The following SAMMSON variants were observed in gnomAD, a reference collection of about 807,000 sequenced individuals.
The protein encoded by SAMMSON is survival associated mitochondrial melanoma specific oncogenic non-coding RNA.
At chr3:70,235,329 A>G (rs771204329) in intron 4 of SAMMSON, among the ~76,000 whole-genome samples, 6 of 151,958 alleles carry the variant, frequency 3.9e-5, no homozygotes, top group Non-Finnish European at 7.4e-5. Flanking sequence ...TATTTTTTCC[A>G]TCTTCAAATT....
chr3:70,430,653 GA>G (rs1355894323), intron 2 of SAMMSON, among the ~76,000 whole-genome samples: 3 of 152,092 alleles, frequency 2.0e-5, no homozygotes, highest in African/African-American at 7.2e-5. Context: ...ATTACTCGAA[GA>G]AGCAATATTT....
At chr3:70,290,748 G>A (rs1414069463) in intron 6 of SAMMSON, among the ~76,000 whole-genome samples, 1 of 152,308 alleles carries the variant, frequency 6.6e-6, no homozygotes, top group Non-Finnish European at 1.5e-5. Flanking sequence ...CCAGGTGCAG[G>A]TTATAATCTC....
At chr3:70,043,975 C>CT (rs2067114840) in intron 3 of SAMMSON, among the ~76,000 whole-genome samples, 1 of 151,874 alleles carries the variant, frequency 6.6e-6, no homozygotes, top group African/African-American at 2.4e-5. Context: ...TTAGGTATTC[C>CT]TTTTTTGTTT....
intron 4 of SAMMSON, among the ~76,000 whole-genome samples, chr3:70,168,519 C>T (rs146463046): frequency 5.3e-5 from 8 of 152,034 alleles, no homozygotes; most frequent in African/African-American, 1.2e-4. Flanking sequence ...AGCCAGTCAA[C>T]GAAGCAGCAG....
chr3:70,277,094 C>T (rs997243569), intron 6 of SAMMSON, among the ~76,000 whole-genome samples: 2 of 152,062 alleles, frequency 1.3e-5, no homozygotes, highest in East Asian at 1.9e-4. Context: ...TTCAATGAGG[C>T]GTGAGAAACA....
intron 4 of SAMMSON, among the ~76,000 whole-genome samples, chr3:70,096,413 G>C (rs772551928): frequency 6.6e-6 from 1 of 152,104 alleles, no homozygotes; most frequent in African/African-American, 2.4e-5. Flanking sequence ...GTGCGGTGGC[G>C]CATACCTGTA....
intron 3 of SAMMSON, among the ~76,000 whole-genome samples, chr3:70,031,015 C>T (rs913551344): frequency 1.3e-5 from 2 of 152,148 alleles, no homozygotes; most frequent in African/African-American, 4.8e-5. Context: ...CATAGATTTA[C>T]TATGTGGTCC....
intron 4 of SAMMSON, among the ~76,000 whole-genome samples, chr3:70,081,264 C>G (rs1295937870): frequency 6.6e-6 from 1 of 152,186 alleles, no homozygotes; most frequent in Non-Finnish European, 1.5e-5. Context: ...CAGGCTCCTG[C>G]CACCATGCCC....
intron 7 of SAMMSON, among the ~76,000 whole-genome samples, chr3:70,343,558 A>G (rs1409522937): frequency 6.6e-6 from 1 of 152,164 alleles, no homozygotes; most frequent in Non-Finnish European, 1.5e-5. Context: ...GCACAGTGTG[A>G]TTCTTCTCAC....
intron 4 of SAMMSON, among the ~76,000 whole-genome samples, chr3:70,207,854 A>T (rs1039705266): frequency 6.6e-6 from 1 of 152,004 alleles, no homozygotes; most frequent in Non-Finnish European, 1.5e-5. Flanking sequence ...TCCTGGAACC[A>T]GTTCCCCTCA....
intron 4 of SAMMSON, among the ~76,000 whole-genome samples, chr3:70,152,794 T>G (rs1392909982): frequency 6.6e-6 from 1 of 152,056 alleles, no homozygotes; most frequent in Non-Finnish European, 1.5e-5. Flanking sequence ...ATGTTTAGAC[T>G]TTTCCAGTGA....
At chr3:70,403,943 C>G (rs1178744413) in intron 2 of SAMMSON, among the ~76,000 whole-genome samples, 1 of 152,140 alleles carries the variant, frequency 6.6e-6, no homozygotes, top group Non-Finnish European at 1.5e-5. Context: ...GATCTAAATA[C>G]TACTTACAAG....
intron 4 of SAMMSON, among the ~76,000 whole-genome samples, chr3:70,168,554 C>T (rs1044994100): frequency 2.6e-5 from 4 of 151,974 alleles, no homozygotes; most frequent in African/African-American, 9.6e-5. Context: ...TTGAAATATG[C>T]GACTATCAGA....
At chr3:70,120,861 G>T (rs1343044099) in intron 4 of SAMMSON, among the ~76,000 whole-genome samples, 3 of 152,172 alleles carry the variant, frequency 2.0e-5, no homozygotes, top group Non-Finnish European at 4.4e-5. Context: ...CCACGGACTG[G>T]AGGTGTGGGG....
chr3:70,045,004 T>TTA lies in SAMMSON; in HGVS notation n.418-26461_418-26460dup, dbSNP rs201603434. 1.5e-4 allele frequency among the ~76,000 whole-genome samples: 18 copies of TTA among 123,336 alleles called. No homozygotes were observed. The East Asian group carries it at 3.3e-3, about 23-fold the overall frequency. The allele number at this position is 123,336 out of a possible 152,430, so 80.9% of individuals were successfully genotyped here. On this transcript the variant is annotated intron_variant and non_coding_transcript_variant, in intron 3 of 9. Transcript: ENST00000642114. ...TAAAATACTTTAATTATATAATTAATTATATATATATAATTAATTATAATA... is the reference window on the plus strand; with the variant it reads ...TAAAATACTTTAATTATATAATTAATTATATATATATATAATTAATTATAATA...
intron 7 of SAMMSON, among the ~76,000 whole-genome samples, chr3:70,328,243 G>C (rs1213957864): frequency 1.3e-5 from 2 of 152,092 alleles, no homozygotes; most frequent in African/African-American, 4.8e-5. Context: ...GATTTGGGTG[G>C]GGACACAGCC....
chr3:70,257,245 C>T (rs1221304430), intron 6 of SAMMSON, among the ~76,000 whole-genome samples: 1 of 152,232 alleles, frequency 6.6e-6, no homozygotes, highest in African/African-American at 2.4e-5. Context: ...TTCCTTAAAA[C>T]CTGGCACATC....
At chr3:70,403,124 CATT>C (rs1480401613) in intron 2 of SAMMSON, among the ~76,000 whole-genome samples, 1 of 152,086 alleles carries the variant, frequency 6.6e-6, no homozygotes, top group African/African-American at 2.4e-5. Flanking sequence ...GTGTGGATAA[CATT>C]ATTATTTTGC....
At chr3:70,297,618 C>T (rs1323665838) in intron 7 of SAMMSON, among the ~76,000 whole-genome samples, 2 of 151,996 alleles carry the variant, frequency 1.3e-5, no homozygotes, top group Non-Finnish European at 2.9e-5. Context: ...TTAAATTCTT[C>T]CTTCAAGGAT....
Sources: gnomAD v4.1 joint callset for allele counts (sites outside exome capture counted in the v4.1 genomes callset) on GRCh38, gnomAD v4.1.1 for gene constraint, MANE v1.5 for transcripts, NCBI Gene and HGNC (gene_info 2026-07-23, HGNC 2026-07-21) for gene names.